Variants in BNC2 observed in about 807,000 individuals in gnomAD.
BNC2 encodes basonuclin zinc finger protein 2, also known as zinc finger protein basonuclin-2.
A neutral mutation model predicts 76.3 loss-of-function variants in BNC2; 20 were observed. The observed-to-expected ratio is 0.26, with a 90% CI of 0.18 to 0.38. The LOEUF (loss-of-function observed/expected upper bound fraction) is 0.38. BNC2 is among the 10% of genes least tolerant of loss of function. BNC2 has a pLI of 1.00. For missense variants in BNC2, 1,382 were observed against 1,399.8 expected (o/e 0.99, Z 0.20); for synonymous variants, 582 against 514.8 (o/e 1.13, Z -1.77).
chr9:16,495,028 A>G (rs1822357772), intron 5 of BNC2, among the ~76,000 whole-genome samples: 1 of 152,204 alleles, frequency 6.6e-6, no homozygotes, highest in Middle Eastern at 3.2e-3. Flanking sequence ...GGAGAAAGTC[A>G]ATGACGTATC....
intron 3 of BNC2, among the ~76,000 whole-genome samples, chr9:16,613,552 T>C (rs768774767): frequency 2.6e-5 from 4 of 152,166 alleles, no homozygotes; most frequent in Non-Finnish European, 5.9e-5. Flanking sequence ...CTGTACCTTT[T>C]CTGAAAAGGA....
At chr9:16,787,604 C>CTATATCCGG (rs918667893) in intron 1 of BNC2, among the ~76,000 whole-genome samples, 1 of 152,194 alleles carries the variant, frequency 6.6e-6, no homozygotes, top group African/African-American at 2.4e-5. Context: ...TGGGCTTATT[C>CTATATCCGG]TATATCCGGT....
At chr9:16,688,161 T>C (rs1823031790) in intron 3 of BNC2, among the ~76,000 whole-genome samples, 1 of 152,172 alleles carries the variant, frequency 6.6e-6, no homozygotes, top group South Asian at 2.1e-4. Flanking sequence ...CACCACACTC[T>C]CACCCCATCC....
chr9:16,870,614 A>ATTT, intron 1 of BNC2, 32 bp downstream of exon 1: 1 of 1,609,482 alleles, frequency 6.2e-7, no homozygotes, highest in Non-Finnish European at 8.5e-7. Flanking sequence ...GAAGTCTAGA[A>ATTT]TAAAAGAGGA....
In BNC2 at chr9:16,621,829, T is replaced by C. The variant is rs186564675; in HGVS notation, c.331-38744A>G. On this transcript the variant is annotated intron_variant, in intron 3 of 6. Transcript: ENST00000380672. ...GAAAAAAGAAAAGAAAATGTCTCGA[T>C]AAACACTCATATTGATTATATATTT... Among the ~76,000 whole-genome samples the C allele has an allele frequency of 1.5e-3, 224 of 152,310 alleles. 1 individual carries two copies. Among genetic ancestry groups the C allele is most frequent in the African/African-American group, 1.3e-3 (52 of 41,582 alleles).
intron 1 of BNC2, among the ~76,000 whole-genome samples, chr9:16,834,449 C>T (rs1818655508): frequency 1.3e-5 from 2 of 152,246 alleles, no homozygotes; most frequent in South Asian, 4.2e-4. Context: ...GCAAAAAATG[C>T]ACCAGGCTTA....
chr9:16,787,617 C>T (rs1826331807), intron 1 of BNC2, among the ~76,000 whole-genome samples: 2 of 152,150 alleles, frequency 1.3e-5, no homozygotes, highest in Admixed American at 1.3e-4. Context: ...TATCCGGTAC[C>T]TTTTGAGTGT....
chr9:16,766,973 C>T (rs756152580), intron 1 of BNC2, among the ~76,000 whole-genome samples: 1 of 152,224 alleles, frequency 6.6e-6, no homozygotes, highest in Non-Finnish European at 1.5e-5. Flanking sequence ...CAGAGCCTAA[C>T]AATTTTTAAA....
intron 6 of BNC2, among the ~76,000 whole-genome samples, chr9:16,434,044 T>C (rs1050044421): frequency 2.0e-5 from 3 of 152,116 alleles, no homozygotes; most frequent in Admixed American, 6.5e-5. Flanking sequence ...CAATGATAAC[T>C]TGGAACTGAA....
chr9:16,744,356 A>T (rs1281902853), intron 1 of BNC2, among the ~76,000 whole-genome samples: 1 of 152,228 alleles, frequency 6.6e-6, no homozygotes, highest in African/African-American at 2.4e-5. Flanking sequence ...ACTTAGTTTC[A>T]CATCACTTTC....
chr9:16,418,999 G>A lies in BNC2; in HGVS notation c.3290C>T (p.Ser1097Leu), dbSNP rs750792460. Reference protein sequence around the residue: ...PNLHKNIPFTSVD With the variant: ...PNLHKNIPFTLVD Reference sequence around the variant, plus strand: ...GTGTCCATTCTGAGACTAATCTACTGAAGTGAAGGGAATGTTTTTGTGGAG... The same window carrying A: ...GTGTCCATTCTGAGACTAATCTACTAAAGTGAAGGGAATGTTTTTGTGGAG... Residue 1097 changes from serine to leucine, a missense_variant, in exon 7 of 7, where the codon TCA becomes TTA. Coordinates refer to ENST00000380672, the MANE Select transcript of BNC2 (RefSeq NM_017637.6). The A allele has an allele frequency of 5.6e-6, 9 of 1,614,094 alleles. No individual in the cohort carries two copies. The highest frequency in any genetic ancestry group is 5.9e-6 in the Non-Finnish European group (7 of 1,180,030).
chr9:16,847,570 GA>G (rs1819019697), intron 1 of BNC2, among the ~76,000 whole-genome samples: 1 of 152,008 alleles, frequency 6.6e-6, no homozygotes. Context: ...ATCAGGAATA[GA>G]ACATTAAATT....
chr9:16,644,682 G>A (rs943872411), intron 3 of BNC2, among the ~76,000 whole-genome samples: 2 of 152,284 alleles, frequency 1.3e-5, no homozygotes, highest in Non-Finnish European at 2.9e-5. Context: ...AGTTAACACA[G>A]TGTCAGTCTA....
rs1820492742 is a variant in BNC2 at position 16,412,727 on chromosome 9, GAGAGA to G, written c.*6257_*6261del. ...GGGAAGGAGAGAGAGAGGGGAGAGAGAGAGAGAGAGAGAGAGAGAGAGAGAGAGAG... is the reference window on the plus strand; with the variant it reads ...GGGAAGGAGAGAGAGAGGGGAGAGAGGAGAGAGAGAGAGAGAGAGAGAGAG... On this transcript the variant is annotated 3_prime_UTR_variant, in exon 7 of 7. Transcript: ENST00000380672. The G allele has an allele frequency of 4.1e-5, 1 of 24,284 alleles. No individual in the cohort carries two copies. Among genetic ancestry groups the G allele is most frequent in the South Asian group, 2.3e-3 (1 of 442 alleles). 1.5% of individuals were successfully genotyped at this position (24,284 alleles called of 1,614,324 possible).
intron 6 of BNC2, among the ~76,000 whole-genome samples, chr9:16,429,052 A>AT (rs1014868142): frequency 1.3e-5 from 2 of 152,094 alleles, no homozygotes; most frequent in Non-Finnish European, 2.9e-5. Context: ...TGACATTGCA[A>AT]TTTTTTGGCA....
intron 3 of BNC2, among the ~76,000 whole-genome samples, chr9:16,659,153 G>T (rs565554157): frequency 2.6e-5 from 4 of 152,106 alleles, no homozygotes; most frequent in Non-Finnish European, 2.9e-5. Flanking sequence ...ATGGCGGGGG[G>T]GGGCATGTGA....
chr9:16,764,928 A>G (rs1372686454), intron 1 of BNC2, among the ~76,000 whole-genome samples: 3 of 152,036 alleles, frequency 2.0e-5, no homozygotes, highest in Admixed American at 6.6e-5. Flanking sequence ...GGGATGGGGA[A>G]GAAGGGAAGG....
At chr9:16,818,234 C>A (rs1395839822) in intron 1 of BNC2, among the ~76,000 whole-genome samples, 1 of 152,142 alleles carries the variant, frequency 6.6e-6, no homozygotes, top group Non-Finnish European at 1.5e-5. Flanking sequence ...GAAACCCCGT[C>A]TCTACTAAAA....
At chr9:16,505,387 G>A (rs766114615) in intron 5 of BNC2, among the ~76,000 whole-genome samples, 4 of 152,146 alleles carry the variant, frequency 2.6e-5, no homozygotes, top group East Asian at 1.9e-4. Context: ...ATGGTTACAC[G>A]ATAAGGCAGG....
Sources: gnomAD v4.1 joint callset for allele counts (sites outside exome capture counted in the v4.1 genomes callset) on GRCh38, gnomAD v4.1.1 for gene constraint, MANE v1.5 for transcripts, NCBI Gene and HGNC (gene_info 2026-07-23, HGNC 2026-07-21) for gene names.